SPIDR: variants seen among roughly 807,000 people sequenced by gnomAD.
SPIDR encodes the protein scaffold protein involved in DNA repair.
A neutral mutation model predicts 104.6 loss-of-function variants in SPIDR; 93 were observed. The ratio of observed to expected loss-of-function variants is 0.89; its 90% CI spans 0.75 to 1.06. The LOEUF is 1.06. SPIDR is among the 50% of genes least tolerant of loss of function. The pLI, the probability that SPIDR is intolerant of heterozygous loss-of-function variation, is 0.00. For missense variants in SPIDR, 1,154 were observed against 1,111.2 expected, an observed-to-expected ratio of 1.04 and a Z score of -0.55; for synonymous variants, 431 against 416.9, an observed-to-expected ratio of 1.03 and a Z score of -0.41.
chr8:47,488,959 T>C (rs1176421378), intron 8 of SPIDR, among the ~76,000 whole-genome samples: 27 of 152,268 alleles, frequency 1.8e-4, no homozygotes, highest in South Asian at 4.1e-4. Context: ...GGATGCCCTC[T>C]CTCACCACTC....
intron 5 of SPIDR, among the ~76,000 whole-genome samples, chr8:47,319,206 T>C (rs148149481): frequency 0.023 from 3,566 of 152,106 alleles, 143 homozygotes; most frequent in African/African-American, 0.081. Context: ...ACCCATCTCA[T>C]GTGCAGAAGA....
chr8:47,304,455 C>T (rs2042778695), intron 5 of SPIDR, among the ~76,000 whole-genome samples: 1 of 151,908 alleles, frequency 6.6e-6, no homozygotes, highest in African/African-American at 2.4e-5. Flanking sequence ...TCAGTTGAGC[C>T]CAGGAGTTTG....
intron 3 of SPIDR, among the ~76,000 whole-genome samples, chr8:47,288,755 A>G (rs1204626875): frequency 2.6e-5 from 4 of 152,252 alleles, no homozygotes; most frequent in African/African-American, 9.6e-5. Context: ...CACTTCAGTA[A>G]TTCTAGATGT....
intron 5 of SPIDR, among the ~76,000 whole-genome samples, chr8:47,387,811 A>G (rs1455012073): frequency 6.6e-6 from 1 of 152,220 alleles, no homozygotes. Flanking sequence ...AGTCTTCTCA[A>G]CGTGTCTTCC....
At chr8:47,297,239 A>C (rs1325727958) in intron 5 of SPIDR, among the ~76,000 whole-genome samples, 2 of 152,148 alleles carry the variant, frequency 1.3e-5, no homozygotes, top group East Asian at 3.9e-4. Flanking sequence ...CAGGACATCT[A>C]ACTCTGTTGA....
At chr8:47,559,587 G>A (rs766170555) in intron 8 of SPIDR, among the ~76,000 whole-genome samples, 3 of 152,166 alleles carry the variant, frequency 2.0e-5, no homozygotes, top group East Asian at 1.9e-4. Flanking sequence ...CTGATAATTC[G>A]TGGGGCCTTT....
intron 8 of SPIDR, among the ~76,000 whole-genome samples, chr8:47,540,358 G>C (rs960616060): frequency 6.6e-6 from 1 of 152,072 alleles, no homozygotes; most frequent in African/African-American, 2.4e-5. Flanking sequence ...AGTAAAATTG[G>C]TTATTTTAAC....
chr8:47,339,392 A>G lies in SPIDR; in HGVS notation c.525+45362A>G, dbSNP rs370971779. Reference sequence around the variant, plus strand: ...TCCCCATGTGTGTGTGATTGTAGCCAGAGAAAAATATTTGAAGATGAAAAT... The same window carrying G: ...TCCCCATGTGTGTGTGATTGTAGCCGGAGAAAAATATTTGAAGATGAAAAT... On this transcript the variant is annotated intron_variant, in intron 5 of 19. Coordinates refer to ENST00000297423, the MANE Select transcript of SPIDR (RefSeq NM_001080394.4). Among the ~76,000 whole-genome samples, 611 of 152,348 alleles carry G rather than the reference A, an allele frequency of 4.0e-3. 3 individuals carry two copies. The highest frequency in any genetic ancestry group is 0.022 in the South Asian group (107 of 4,832).
At chr8:47,647,336 C>T (rs2070574700) in intron 10 of SPIDR, among the ~76,000 whole-genome samples, 1 of 152,108 alleles carries the variant, frequency 6.6e-6, no homozygotes, top group Non-Finnish European at 1.5e-5. Context: ...AAAGTAAGCC[C>T]AGGCGCAGTG....
At chr8:47,477,852 G>T (rs1234373791) in intron 8 of SPIDR, among the ~76,000 whole-genome samples, 4 of 152,304 alleles carry the variant, frequency 2.6e-5, no homozygotes, top group African/African-American at 9.6e-5. Context: ...GGGGGAGCCT[G>T]CCAGGGCTCA....
chr8:47,692,137 A>G (rs1451785424), intron 11 of SPIDR, among the ~76,000 whole-genome samples: 1 of 152,248 alleles, frequency 6.6e-6, no homozygotes. Context: ...CCCTGTCTTA[A>G]GTTAATGACA....
chr8:47,526,650 G>A (rs1185836697), intron 8 of SPIDR, among the ~76,000 whole-genome samples: 3 of 152,188 alleles, frequency 2.0e-5, no homozygotes, highest in South Asian at 2.1e-4. Context: ...GTGCTGCAGG[G>A]ATGTGGCAAC....
chr8:47,566,980 ACT>A (rs1005438357), intron 8 of SPIDR, among the ~76,000 whole-genome samples: 2 of 152,176 alleles, frequency 1.3e-5, no homozygotes, highest in Non-Finnish European at 2.9e-5. Context: ...ATTTGGTCAA[ACT>A]CTAATATATA....
At chr8:47,579,311 A>G (rs1336113475) in intron 8 of SPIDR, among the ~76,000 whole-genome samples, 1 of 152,202 alleles carries the variant, frequency 6.6e-6, no homozygotes, top group Non-Finnish European at 1.5e-5. Flanking sequence ...CCAGTCAGTC[A>G]AAAAGAATTT....
intron 5 of SPIDR, among the ~76,000 whole-genome samples, chr8:47,371,129 T>A (rs1554638645): frequency 8.6e-6 from 1 of 116,338 alleles, no homozygotes; most frequent in African/African-American, 3.2e-5. Flanking sequence ...CACAAGCAGG[T>A]TTTTTTTTTT....
intron 8 of SPIDR, chr8:47,547,818 G>T (rs2089698742): frequency 1.1e-5 from 2 of 175,636 alleles, no homozygotes; most frequent in South Asian, 3.1e-4. Context: ...CTCTCAACTT[G>T]TGGGGACTGG....
At chr8:47,337,054 A>C (rs562524817) in intron 5 of SPIDR, among the ~76,000 whole-genome samples, 1 of 152,040 alleles carries the variant, frequency 6.6e-6, no homozygotes, top group Non-Finnish European at 1.5e-5. Flanking sequence ...GGCCATTTGT[A>C]TATGTTCTTT....
chr8:47,505,675 A>G (rs1324940252), intron 8 of SPIDR, among the ~76,000 whole-genome samples: 1 of 152,160 alleles, frequency 6.6e-6, no homozygotes, highest in Admixed American at 6.5e-5. Context: ...TCAGTTGGAA[A>G]TGCAGAAATC....
chr8:47,356,754 G>A (rs1159599947), intron 5 of SPIDR, among the ~76,000 whole-genome samples: 3 of 152,110 alleles, frequency 2.0e-5, no homozygotes, highest in African/African-American at 7.2e-5. Flanking sequence ...GGGGTGGTTT[G>A]CATCTGTTAC....
Sources: gnomAD v4.1 joint callset for allele counts (sites outside exome capture counted in the v4.1 genomes callset) on GRCh38, gnomAD v4.1.1 for gene constraint, MANE v1.5 for transcripts, NCBI Gene and HGNC (gene_info 2026-07-23, HGNC 2026-07-21) for gene names.